OTUD7A: variants seen among roughly 807,000 people sequenced by gnomAD.
OTUD7A encodes OTU deubiquitinase 7A.
Under a neutral mutation model 65.7 loss-of-function variants are expected in OTUD7A, and 12 were observed. The ratio of observed to expected loss-of-function variants is 0.18; its 90% CI spans 0.12 to 0.30. The LOEUF (loss-of-function observed/expected upper bound fraction) is 0.30. OTUD7A is among the 10% of genes least tolerant of loss of function. The pLI, the probability that OTUD7A is intolerant of heterozygous loss-of-function variation, is 1.00. For missense variants in OTUD7A, 1,148 were observed against 1,304.8 expected (o/e 0.88, Z 1.85); for synonymous variants, 641 against 586.3 (o/e 1.09, Z -1.35).
chr15:31,524,366 T>G (rs2041981307), intron 8 of OTUD7A, among the ~76,000 whole-genome samples: 3 of 150,776 alleles, frequency 2.0e-5, no homozygotes, highest in African/African-American at 7.5e-5. Context: ...TTTGACTTTT[T>G]GGCTCCTTCC....
intron 3 of OTUD7A, among the ~76,000 whole-genome samples, chr15:31,592,807 G>A (rs1470114843): frequency 1.2e-4 from 17 of 145,866 alleles, no homozygotes; most frequent in African/African-American, 4.3e-4. Flanking sequence ...GTGAACCCAG[G>A]AGGCGGCGCT....
Position 31,766,318 on chromosome 15 carries a change from G to A in OTUD7A, c.-100+104189C>T, listed in dbSNP as rs180907034. 1.3e-4 allele frequency: 202 copies of A among 1,605,098 alleles called. No homozygotes were observed. In the Admixed American group the frequency reaches 2.4e-3, roughly 19 times the overall value. On this transcript the variant is annotated intron_variant, in intron 1 of 12. Transcript: ENST00000307050. ...TTTTGACTCATTCGGGAAATCATAC[G>A]CATTAAAAGTTGAAGCTTTCTATGA... is the stretch of plus-strand genomic sequence containing the variant.
chr15:31,754,619 T>C (rs1414176727), intron 1 of OTUD7A, among the ~76,000 whole-genome samples: 1 of 152,208 alleles, frequency 6.6e-6, no homozygotes, highest in East Asian at 1.9e-4. Flanking sequence ...AAGGGTGTAC[T>C]TTCCCCACTT....
At chr15:31,823,464 T>A (rs554784853) in intron 1 of OTUD7A, among the ~76,000 whole-genome samples, 13 of 152,334 alleles carry the variant, frequency 8.5e-5, no homozygotes, top group Admixed American at 7.2e-4. Flanking sequence ...ACAAAGAGGA[T>A]ACATTTATTT....
chr15:31,856,131 C>A (rs1440220979), intron 1 of OTUD7A, among the ~76,000 whole-genome samples: 1 of 152,126 alleles, frequency 6.6e-6, no homozygotes, highest in Non-Finnish European at 1.5e-5. Context: ...TCTTTAATCA[C>A]TAAATAAAAA....
intron 1 of OTUD7A, among the ~76,000 whole-genome samples, chr15:31,721,942 C>T (rs1333421851): frequency 5.3e-5 from 8 of 152,208 alleles, no homozygotes; most frequent in African/African-American, 9.7e-5. Context: ...GGCTCGAAGT[C>T]GGTGCTCAAT....
chr15:31,779,698 A>C lies in OTUD7A; in HGVS notation c.-100+90809T>G, dbSNP rs56036401. On this transcript the variant is annotated intron_variant, in intron 1 of 12. Coordinates refer to ENST00000307050, the MANE Select transcript of OTUD7A (RefSeq NM_001382637.1). ...AGTGCAACTTCCTGAACATCGGCCT[A>C]GGTTGTCACTGTTAGGATCTGGACA... Among the ~76,000 whole-genome samples, 630 of 152,190 alleles carry C rather than the reference A, an allele frequency of 4.1e-3. 3 individuals are homozygous for C. Among genetic ancestry groups the C allele is most frequent in the Non-Finnish European group, 7.0e-3 (479 of 68,010 alleles).
chr15:31,630,793 T>C (rs1220695228), intron 3 of OTUD7A, among the ~76,000 whole-genome samples: 1 of 152,246 alleles, frequency 6.6e-6, no homozygotes, highest in Non-Finnish European at 1.5e-5. Flanking sequence ...CATATATATT[T>C]AGGATAGTTA....
intron 5 of OTUD7A, among the ~76,000 whole-genome samples, chr15:31,554,305 G>GCTA (rs1418643375): frequency 6.6e-6 from 1 of 152,196 alleles, no homozygotes; most frequent in African/African-American, 2.4e-5. Context: ...GAGTGTGGAG[G>GCTA]TAGCCCCAGA....
At chr15:31,631,533 A>G (rs1891154658) in intron 3 of OTUD7A, among the ~76,000 whole-genome samples, 1 of 152,074 alleles carries the variant, frequency 6.6e-6, no homozygotes, top group Non-Finnish European at 1.5e-5. Context: ...TTTTTCCTGC[A>G]TTTCAACTTT....
At chr15:31,759,773 C>G (rs2140902196) in intron 1 of OTUD7A, among the ~76,000 whole-genome samples, 1 of 152,292 alleles carries the variant, frequency 6.6e-6, no homozygotes, top group Non-Finnish European at 1.5e-5. Context: ...AGTGATCCTG[C>G]TGCCTCAGCC....
chr15:31,503,648 C>G, intron 9 of OTUD7A, 43 bp downstream of exon 9: 3 of 1,613,120 alleles, frequency 1.9e-6, no homozygotes, highest in Non-Finnish European at 2.5e-6. Context: ...GGATGCTATG[C>G]TTTCTGTGTC....
At chr15:31,814,460 G>A (rs1381528136) in intron 1 of OTUD7A, among the ~76,000 whole-genome samples, 2 of 152,050 alleles carry the variant, frequency 1.3e-5, no homozygotes, top group Non-Finnish European at 2.9e-5. Flanking sequence ...CCTAATTCAG[G>A]GATACTAAGA....
At chr15:31,822,852 C>T (rs765650841) in intron 1 of OTUD7A, among the ~76,000 whole-genome samples, 2 of 152,118 alleles carry the variant, frequency 1.3e-5, no homozygotes, top group East Asian at 1.9e-4. Context: ...GGGAAGGCTG[C>T]GTACCCTAAC....
intron 3 of OTUD7A, among the ~76,000 whole-genome samples, chr15:31,634,391 CACG>C (rs1000276137): frequency 1.3e-5 from 2 of 152,180 alleles, no homozygotes; most frequent in Non-Finnish European, 2.9e-5. Flanking sequence ...TCTCCTCTTC[CACG>C]ACGTTTCTCT....
chr15:31,499,358 G>A (rs1312580946), intron 10 of OTUD7A, among the ~76,000 whole-genome samples: 11 of 152,162 alleles, frequency 7.2e-5, no homozygotes, highest in African/African-American at 2.7e-4. Flanking sequence ...CACAGTGGGG[G>A]CCGGTGGCAT....
chr15:31,772,492 C>A (rs2140915185), intron 1 of OTUD7A, among the ~76,000 whole-genome samples: 1 of 152,268 alleles, frequency 6.6e-6, no homozygotes, highest in Admixed American at 6.5e-5. Context: ...GACGATTCTC[C>A]ATGCACTGCA....
rs1168322136 is a variant in OTUD7A, at chr15:31,481,164, T to C, written c.*2130A>G. On this transcript the variant is annotated 3_prime_UTR_variant, in exon 13 of 13. Transcript: ENST00000307050. ...TTAGAAATTTCTGGTTGGCTGTTTT[T>C]ACATTAAGAAATGAAAAAAACAAGC... The C allele has an allele frequency of 3.3e-5, 5 of 152,034 alleles. No individual in the cohort carries two copies. Among genetic ancestry groups the C allele is most frequent in the Non-Finnish European group, 7.3e-5 (5 of 68,036 alleles). The allele number at this position is 152,034 out of a possible 1,614,324, so 9.4% of individuals were successfully genotyped here.
At chr15:31,806,334 TGA>T (rs1297832019) in intron 1 of OTUD7A, among the ~76,000 whole-genome samples, 2 of 152,218 alleles carry the variant, frequency 1.3e-5, no homozygotes, top group African/African-American at 4.8e-5. Flanking sequence ...TTTGCACTAA[TGA>T]GAGATTCCTC....
Sources: gnomAD v4.1 joint callset for allele counts (sites outside exome capture counted in the v4.1 genomes callset) on GRCh38, gnomAD v4.1.1 for gene constraint, MANE v1.5 for transcripts, NCBI Gene and HGNC (gene_info 2026-07-23, HGNC 2026-07-21) for gene names.